Variants in SYT8 observed in about 807,000 individuals in gnomAD.
The protein encoded by SYT8 is synaptotagmin 8, also known as synaptotagmin-8.
SYT8 carries 50 observed loss-of-function variants against 34.9 expected under a neutral mutation model. The ratio of observed to expected loss-of-function variants is 1.43; its 90% CI spans 1.14 to 1.81. SYT8 has a LOEUF of 1.81. Ranked by LOEUF, SYT8 falls within the 40% of genes most tolerant of loss-of-function variation. The pLI is 0.00. For missense variants in SYT8, 595 were observed against 529.0 expected, an observed-to-expected ratio of 1.12 and a Z score of -1.22; for synonymous variants, 255 against 234.2, an observed-to-expected ratio of 1.09 and a Z score of -0.81.
Position 1,835,015 on chromosome 11 carries a change from C to A in SYT8, c.-91C>A. ...AGACCCAGCACTGGCTGCTGCTAGT[C>A]AGATGGGGTAGCGGGCAGGGGCCGG... On this transcript the variant is annotated 5_prime_UTR_variant, in exon 1 of 8. Transcript: ENST00000341958. 1.5e-6 allele frequency: 2 copies of A among 1,351,806 alleles called. No individual in the cohort carries two copies. Among genetic ancestry groups the A allele is most frequent in the Non-Finnish European group, 2.1e-6 (2 of 957,858 alleles). 83.7% of individuals were successfully genotyped at this position (1,351,806 alleles called of 1,614,324 possible).
upstream of SYT8, chr11:1,831,920 G>A (rs2133004436): frequency 2.7e-6 from 1 of 365,194 alleles, no homozygotes; most frequent in Non-Finnish European, 5.6e-6. Context: ...CACCTGGGGG[G>A]CTGCCAGCCC....
chr11:1,835,266 C>G (rs1846840474), intron 1 of SYT8, 30 bp from the exon 2 acceptor site: 1 of 1,602,350 alleles, frequency 6.2e-7, no homozygotes, highest in Admixed American at 1.7e-5. Flanking sequence ...CAGCTGTCCA[C>G]AGATGCACTC....
At chr11:1,834,865 C>G, upstream of SYT8, 2 of 624,250 alleles carry the variant, frequency 3.2e-6, no homozygotes, top group Non-Finnish European at 5.6e-6. This position sits in a 1 kb window ranked among gnomAD's most constrained non-coding sequence, Gnocchi z 4.5. Flanking sequence ...TGGGAGGTGG[C>G]TGGGAGGCTG....
Position 1,835,322 on chromosome 11 carries a change from G to GC in SYT8, c.124dup (p.Leu42ProfsTer49). Reference sequence around the variant, plus strand: ...GCCCCGCTGGGCTCTCATTGCCGGCGCCCTTGCCGCGGGCGTCCTCCTCGT... The same window carrying GC: ...GCCCCGCTGGGCTCTCATTGCCGGCGCCCCTTGCCGCGGGCGTCCTCCTCGT... On this transcript the variant is annotated frameshift_variant, in exon 2 of 8. Coordinates refer to ENST00000341958, the MANE Select transcript of SYT8 (RefSeq NM_001394072.1). LOFTEE classifies it high-confidence loss of function. 1 of 1,600,692 alleles carries GC rather than the reference G, an allele frequency of 6.2e-7. No homozygotes were observed. Among genetic ancestry groups the GC allele is most frequent in the Non-Finnish European group, 8.5e-7 (1 of 1,172,934 alleles).
rs1276571878 is a variant in SYT8 at position 1,836,596 on chromosome 11, A to T, written c.684+4A>T. The T allele has an allele frequency of 6.2e-7, 1 of 1,609,998 alleles. No homozygotes were observed. The highest frequency in any genetic ancestry group is 8.5e-7 in the Non-Finnish European group (1 of 1,178,830). On this transcript the variant is annotated splice_donor_region_variant and intron_variant, in intron 5 of 7. Coordinates refer to ENST00000341958, the MANE Select transcript of SYT8 (RefSeq NM_001394072.1). ...GGGCCCGCCGGCTGCCACTCAGGTGAGGTGCTGGTCACCAGGCCACAGCCC... is the reference window on the plus strand; with the variant it reads ...GGGCCCGCCGGCTGCCACTCAGGTGTGGTGCTGGTCACCAGGCCACAGCCC...
chr11:1,836,147 G>T lies in SYT8; in HGVS notation c.379G>T (p.Ala127Ser). The part of the protein sequence containing the change: ...SQEIRVGLRQ[A>S]ADLRPGGTVD... ...CCAGATCAGGGTGGGCCTGAGGCAG[G>T]CAGCCGACCTGAGGCCTGGGGGCAC... The change falls in exon 4 of 8, where the codon GCA becomes TCA. Residue 127 changes from alanine to serine, a missense_variant. By Grantham distance (99) the Ala-to-Ser change is moderately conservative (BLOSUM62 1). Transcript: ENST00000341958. The T allele has an allele frequency of 6.6e-7, 1 of 1,505,206 alleles. No homozygotes were observed. Among genetic ancestry groups the T allele is most frequent in the Non-Finnish European group, 8.9e-7 (1 of 1,127,668 alleles). The allele number at this position is 1,505,206 out of a possible 1,614,324, so 93.2% of individuals were successfully genotyped here. A position where few individuals can be genotyped will look rare whatever the true frequency, so the allele number is the denominator to read the frequency against.
At chr11:1,831,793 T>G (rs1375714001), upstream of SYT8, 2 of 455,636 alleles carry the variant, frequency 4.4e-6, no homozygotes, top group East Asian at 1.4e-4. Flanking sequence ...CAGGAGAGAG[T>G]TCCCCGTCAC....
At chr11:1,833,292 G>A (rs1360056408), upstream of SYT8, among the ~76,000 whole-genome samples, 5 of 152,200 alleles carry the variant, frequency 3.3e-5, no homozygotes, top group African/African-American at 1.2e-4. Context: ...CACCCACACT[G>A]CATCTGCAGG....
chr11:1,833,138 C>G (rs558673938), upstream of SYT8, among the ~76,000 whole-genome samples: 1 of 152,202 alleles, frequency 6.6e-6, no homozygotes, highest in Non-Finnish European at 1.5e-5. Flanking sequence ...GGCACAGTCC[C>G]GCTCCAGGGA....
Position 1,835,916 on chromosome 11 carries a change from A to G in SYT8, c.289A>G (p.Ser97Gly), listed in dbSNP as rs1482822375. The G allele has an allele frequency of 1.9e-6, 3 of 1,608,312 alleles. No individual in the cohort carries two copies. Among genetic ancestry groups the G allele is most frequent in the Non-Finnish European group, 2.5e-6 (3 of 1,178,492 alleles). The change falls in exon 3 of 8, where the codon AGC becomes GGC. Residue 97 changes from serine to glycine, a missense_variant. Ser to Gly is a moderately conservative substitution (Grantham distance 56). Coordinates refer to ENST00000341958, the MANE Select transcript of SYT8 (RefSeq NM_001394072.1). ...VQPDVDGLESSPGDAQQWGCL... is the reference protein window; with the variant it reads ...VQPDVDGLESGPGDAQQWGCL... ...ACCTGATGTGGATGGCCTGGAGTCC[A>G]GCCCGGGGGATGCTCAGCAATGGGG...
Position 1,835,469 on chromosome 11 carries a change from G to C in SYT8, c.258+10G>C. The stretch of plus-strand genomic sequence containing the variant: ...CACCACCACCCACCTGGTGAGGAGC[G>C]GCTCCTTGCTCACTCAGTCCAGAGA... On this transcript the variant is annotated intron_variant, in intron 2 of 7. Transcript: ENST00000341958. The C allele has an allele frequency of 6.2e-7, 1 of 1,608,460 alleles. No individual in the cohort carries two copies. Among genetic ancestry groups the C allele is most frequent in the Non-Finnish European group, 8.5e-7 (1 of 1,179,530 alleles).
Position 1,836,267 on chromosome 11 carries a change from G to T in SYT8, c.499G>T (p.Glu167Ter), listed in dbSNP as rs138863624. 1 of 1,561,458 alleles carries T rather than the reference G, an allele frequency of 6.4e-7. No homozygotes were observed. Among genetic ancestry groups the T allele is most frequent in the African/African-American group, 1.4e-5 (1 of 73,288 alleles). ...AGGCACGCTCTGCCCCGTGTTTGAC[G>T]AGACCTGCTGCTTCCACGTGAGTCA... is the stretch of plus-strand genomic sequence containing the variant. ...HRGTLCPVFD[E>*]TCCFHIPQAE... The change falls in exon 4 of 8, where the codon GAG (glutamate) becomes TAG (stop). Residue 167 changes from glutamate (E) to a stop codon, truncating the protein, a stop_gained. Transcript: ENST00000341958. LOFTEE classifies it high-confidence loss of function.
At position 1,835,184 on chromosome 11, in the gene SYT8, G is replaced by C. The variant is rs1419243612; in HGVS notation, c.79G>C (p.Val27Leu). ...TAIPGLIPDL[V>L]AGTPWPRWAL... is the part of the protein sequence containing the mutation. ...TATACCTGGGCTTATTCCAGACCTT[G>C]TCGCCGGGACCCCCTGTGAGTTGTG... The change falls in exon 1 of 8, where the codon GTC becomes CTC. Residue 27 changes from valine (V) to leucine (L), a missense_variant. Coordinates refer to ENST00000341958, the MANE Select transcript of SYT8 (RefSeq NM_001394072.1). The C allele has an allele frequency of 6.2e-7, 1 of 1,613,352 alleles. No homozygotes were observed.
In SYT8 at chr11:1,836,521, C is replaced by T. The variant is rs3741231; in HGVS notation, c.613C>T (p.Pro205Ser). ...GHEPLGELRL[P>S]LGTVDLQHVL... The stretch of plus-strand genomic sequence containing the variant: ...TGAGCCCCTGGGTGAGCTCCGTCTG[C>T]CACTGGGCACCGTGGATCTGCAGCA... The change falls in exon 5 of 8, where the codon CCA (proline) becomes TCA (serine). Residue 205 changes from proline to serine, a missense_variant. Transcript: ENST00000341958. The T allele has an allele frequency of 6.2e-7, 1 of 1,610,746 alleles. No individual in the cohort carries two copies. The highest frequency in any genetic ancestry group is 1.3e-5 in the African/African-American group (1 of 74,842).
In SYT8 at chr11:1,836,436, G is replaced by A. The variant is rs373168996; in HGVS notation, c.528G>A (p.Ala176=). 50 of 1,572,002 alleles carry A rather than the reference G, an allele frequency of 3.2e-5. No homozygotes were observed. Among genetic ancestry groups the A allele is most frequent in the African/African-American group, 8.1e-5 (6 of 74,250 alleles). ...DETCCFHIPQ[A]ELPGATLQVQ... ...CGCCGCTGCCTCAGATCCCGCAGGCGGAGCTGCCAGGGGCCACCCTGCAGG... is the reference window on the plus strand; with the variant it reads ...CGCCGCTGCCTCAGATCCCGCAGGCAGAGCTGCCAGGGGCCACCCTGCAGG... The change falls in exon 5 of 8, where the codon GCG becomes GCA. Residue 176 remains alanine (A), a synonymous_variant. Coordinates refer to ENST00000341958, the MANE Select transcript of SYT8 (RefSeq NM_001394072.1).
chr11:1,834,256 C>T, upstream of SYT8: 1 of 489,700 alleles, frequency 2.0e-6, no homozygotes, highest in Non-Finnish European at 3.7e-6. The surrounding 1 kb of genome is among the most constrained non-coding windows in gnomAD (Gnocchi z 4.5). Flanking sequence ...CAGGCGGGTA[C>T]AGGGGCCAGC....
Position 1,835,048 on chromosome 11 carries a change from A to T in SYT8, c.-58A>T, listed in dbSNP as rs778320432. 3.2e-6 allele frequency: 5 copies of T among 1,567,026 alleles called. No homozygotes were observed. The highest frequency in any genetic ancestry group is 4.4e-6 in the Non-Finnish European group (5 of 1,141,256). On this transcript the variant is annotated 5_prime_UTR_variant, in exon 1 of 8. Transcript: ENST00000341958. ...GTAGCGGGCAGGGGCCGGAGGGGCC[A>T]CCCTCCCAGCTGACCCAGCCTCCTG...
At chr11:1,834,609 C>T (rs927424284), upstream of SYT8, 4 of 1,587,180 alleles carry the variant, frequency 2.5e-6, no homozygotes, top group African/African-American at 4.0e-5. The surrounding 1 kb of genome is among the most constrained non-coding windows in gnomAD (Gnocchi z 4.5). Flanking sequence ...ATGGTGGGCC[C>T]CAGCTGTGGT....
upstream of SYT8, chr11:1,834,867 G>A (rs1589787142): frequency 4.8e-6 from 3 of 625,628 alleles, no homozygotes; most frequent in Admixed American, 6.0e-5. This position sits in a 1 kb window ranked among gnomAD's most constrained non-coding sequence, Gnocchi z 4.5. Context: ...GGAGGTGGCT[G>A]GGAGGCTGGG....
Sources: allele counts gnomAD v4.1 joint callset (sites outside exome capture counted in the v4.1 genomes callset), GRCh38; gene constraint gnomAD v4.1.1; non-coding constraint Gnocchi (gnomAD v3.1); transcripts MANE v1.5; gene names NCBI Gene and HGNC (gene_info 2026-07-23, HGNC 2026-07-21).